The following RUVBL1 variants were observed in gnomAD, a reference collection of about 807,000 sequenced individuals.
RUVBL1 encodes the protein RuvB like AAA ATPase 1.
In RUVBL1, 4 loss-of-function variants were observed where a neutral mutation model predicts 52.4. That is an observed-to-expected ratio of 0.08 (90% CI 0.04 to 0.17). RUVBL1 has a LOEUF of 0.17. Ranked by LOEUF, RUVBL1 falls within the 10% of genes least tolerant of loss-of-function variation. RUVBL1 has a pLI of 1.00. For missense variants in RUVBL1, 298 were observed against 572.8 expected, an observed-to-expected ratio of 0.52 and a Z score of 4.90; for synonymous variants, 217 against 214.4, an observed-to-expected ratio of 1.01 and a Z score of -0.10.
intron 1 of RUVBL1, among the ~76,000 whole-genome samples, chr3:128,132,531 C>T (rs983906539): frequency 6.6e-6 from 1 of 152,096 alleles, no homozygotes. Context: ...GGGACTTTGT[C>T]TTGCAACTTG....
At chr3:128,102,026 C>T (rs901914056) in intron 4 of RUVBL1, among the ~76,000 whole-genome samples, 2 of 152,206 alleles carry the variant, frequency 1.3e-5, no homozygotes, top group African/African-American at 4.8e-5. Flanking sequence ...CCCCCACTGT[C>T]CACAGGACCA....
At chr3:128,141,920 G>A (rs1167879577) in intron 1 of RUVBL1, 2 of 152,172 alleles carry the variant, frequency 1.3e-5, no homozygotes, top group African/African-American at 4.8e-5. Context: ...CCTTGCCCAG[G>A]GGCCATGCTG....
In RUVBL1 at chr3:128,082,523, G is replaced by A; in HGVS notation, c.1171C>T (p.Leu391=). The part of the protein sequence containing the change: ...TEGINISEEA[L]NHLGEIGTKT... ...GTGCCAATCTCCCCCAGGTGGTTCA[G>A]TGCCTCCTCACTGATGTTGATTCCT... The change falls in exon 10 of 11, where the codon CTG becomes TTG. Residue 391 remains leucine (L), a synonymous_variant. Transcript: ENST00000322623. The surrounding 1 kb of genome is among the most constrained non-coding windows in gnomAD (Gnocchi z 4.7). 1 of 1,613,996 alleles carries A rather than the reference G, an allele frequency of 6.2e-7. No homozygotes were observed.
chr3:128,105,721 G>A (rs1472836342), intron 3 of RUVBL1, among the ~76,000 whole-genome samples: 1 of 152,130 alleles, frequency 6.6e-6, no homozygotes, highest in African/African-American at 2.4e-5. Flanking sequence ...AGGTATCTAT[G>A]TCAACAGTGG....
chr3:128,147,105 T>C (rs1251066507), intron 1 of RUVBL1, among the ~76,000 whole-genome samples: 1 of 152,242 alleles, frequency 6.6e-6, no homozygotes, highest in African/African-American at 2.4e-5. Context: ...AAGGTTTTGC[T>C]CTGTTGCCCG....
At chr3:128,127,535 C>CTGA (rs199910359), upstream of RUVBL1, among the ~76,000 whole-genome samples, 21,527 of 152,138 alleles carry the variant, frequency 0.14, 1,736 homozygotes, top group African/African-American at 0.21. Context: ...TGACTTCTAT[C>CTGA]ACACCTGAAC....
chr3:128,150,885 AT>A (rs1944188619), intron 1 of RUVBL1, among the ~76,000 whole-genome samples: 13 of 86,848 alleles, frequency 1.5e-4, no homozygotes, highest in Non-Finnish European at 2.4e-4. Flanking sequence ...TATTCTATAT[AT>A]ATATTCTATA....
Position 128,097,431 on chromosome 3 carries a change from G to C in RUVBL1, c.885C>G (p.Val295=), listed in dbSNP as rs755051457. The C allele has an allele frequency of 1.9e-6, 3 of 1,614,152 alleles. No individual in the cohort carries two copies. ...CCTCATCAACAAACAGCACACCCGGGACCAGCTCAGCAATGCCCTGGTCGA... is the reference window on the plus strand; with the variant it reads ...CCTCATCAACAAACAGCACACCCGGCACCAGCTCAGCAATGCCCTGGTCGA... ...KYIDQGIAEL[V]PGVLFVDEVH... Residue 295 remains valine, a synonymous_variant, in exon 8 of 11, where the codon GTC becomes GTG. Transcript: ENST00000322623.
intron 3 of RUVBL1, among the ~76,000 whole-genome samples, chr3:128,105,660 T>C (rs1193185801): frequency 1.3e-5 from 2 of 152,044 alleles, no homozygotes; most frequent in African/African-American, 2.4e-5. Flanking sequence ...GAATAACTCA[T>C]TACACACCCT....
At chr3:128,153,235 G>A in exon 1 of RUVBL1, 2 of 1,337,728 alleles carry the variant, frequency 1.5e-6, no homozygotes, top group Non-Finnish European at 9.5e-7. Flanking sequence ...CTTCTCAGAA[G>A]GATCCCTCCA....
intron 1 of RUVBL1, among the ~76,000 whole-genome samples, chr3:128,138,100 A>C (rs1943972945): frequency 6.6e-6 from 1 of 152,196 alleles, no homozygotes; most frequent in Non-Finnish European, 1.5e-5. Context: ...TGAATGGGGG[A>C]AAACTGAAAG....
At chr3:128,114,414 A>T (rs1452862256) in intron 2 of RUVBL1, among the ~76,000 whole-genome samples, 1 of 152,220 alleles carries the variant, frequency 6.6e-6, no homozygotes, top group African/African-American at 2.4e-5. Flanking sequence ...AGCCAGGAAC[A>T]GAAAGATTAG....
intron 3 of RUVBL1, among the ~76,000 whole-genome samples, chr3:128,109,596 T>TG (rs1657302954): frequency 6.6e-6 from 1 of 151,982 alleles, no homozygotes; most frequent in African/African-American, 2.4e-5. Context: ...CTTACTCAGG[T>TG]GATCCTCCCA....
intron 1 of RUVBL1, among the ~76,000 whole-genome samples, chr3:128,139,679 G>A (rs1450844009): frequency 2.6e-5 from 4 of 152,096 alleles, no homozygotes; most frequent in Admixed American, 2.6e-4. Flanking sequence ...ACAGGTGAAT[G>A]GATAAAGAAA....
Position 128,133,451 on chromosome 3 carries a change from G to A in RUVBL1, c.-39-14037C>T, listed in dbSNP as rs184658545. On this transcript the variant is annotated intron_variant, in intron 1 of 9. Transcript: ENST00000464873. ...GGCCCTTGGGTGAGACACAGTATTG[G>A]GCTGGGTTTGGGTCTGACCCAACAA... Among the ~76,000 whole-genome samples, 3 of 152,340 alleles carry A rather than the reference G, an allele frequency of 2.0e-5. No individual in the cohort carries two copies. The East Asian group carries it at 5.8e-4, about 29-fold the overall frequency.
At position 128,104,764 on chromosome 3, in the gene RUVBL1, T is replaced by G; in HGVS notation, c.513+9A>C. On this transcript the variant is annotated intron_variant, in intron 4 of 10. Coordinates refer to ENST00000322623, the MANE Select transcript of RUVBL1 (RefSeq NM_003707.3). ...GTCAAGGGAAAAGAGGCCACATACA[T>G]GTACTCACTTTCAACTGTTTGGTTC... is the stretch of plus-strand genomic sequence containing the variant. 6.2e-7 allele frequency: 1 copy of G among 1,600,178 alleles called. No homozygotes were observed. The highest frequency in any genetic ancestry group is 8.6e-7 in the Non-Finnish European group (1 of 1,168,510).
chr3:128,123,649 GCCCCAGC>G lies in RUVBL1; in HGVS notation c.69_75del (p.Leu24TrpfsTer27). On this transcript the variant is annotated frameshift_variant, in exon 1 of 11. Coordinates refer to ENST00000322623, the MANE Select transcript of RUVBL1 (RefSeq NM_003707.3). LOFTEE classifies it high-confidence loss of function. Reference sequence around the variant, plus strand: ...TGCTTGGCCAAGCCGCTCTCGTCCAGCCCCAGCCCTTTCACGTGGCTGTGGGAGGCGA... The same window carrying G: ...TGCTTGGCCAAGCCGCTCTCGTCCAGCCTTTCACGTGGCTGTGGGAGGCGA... 6.2e-7 allele frequency: 1 copy of G among 1,612,298 alleles called. No homozygotes were observed. Among genetic ancestry groups the G allele is most frequent in the Non-Finnish European group, 8.5e-7 (1 of 1,179,566 alleles).
chr3:128,127,824 C>T (rs1241956499), upstream of RUVBL1, among the ~76,000 whole-genome samples: 1 of 152,100 alleles, frequency 6.6e-6, no homozygotes, highest in Non-Finnish European at 1.5e-5. Flanking sequence ...TGGTGAAACC[C>T]CATCTCTACT....
chr3:128,111,095 C>T (rs902117194), intron 3 of RUVBL1, among the ~76,000 whole-genome samples: 14 of 151,840 alleles, frequency 9.2e-5, no homozygotes, highest in Non-Finnish European at 5.9e-5. Context: ...TGTGGTGATG[C>T]ATGCCTGTAA....
Sources: gnomAD v4.1 joint callset for allele counts (sites outside exome capture counted in the v4.1 genomes callset) on GRCh38, gnomAD v4.1.1 for gene constraint, Gnocchi (gnomAD v3.1) non-coding constraint, MANE v1.5 for transcripts, NCBI Gene and HGNC (gene_info 2026-07-23, HGNC 2026-07-21) for gene names.